SERAC1: variants seen among roughly 807,000 people sequenced by gnomAD.
The protein encoded by SERAC1 is protein SERAC1.
SERAC1 carries 36 observed loss-of-function variants against 85.7 expected under a neutral mutation model. The observed-to-expected ratio is 0.42, with a 90% confidence interval of 0.32 to 0.55. The LOEUF (loss-of-function observed/expected upper bound fraction) is 0.55. SERAC1 is among the 20% of genes least tolerant of loss of function. The pLI, the probability that SERAC1 is intolerant of heterozygous loss-of-function variation, is 0.11. For missense variants in SERAC1, 629 were observed against 796.2 expected (o/e 0.79, Z 2.53); for synonymous variants, 242 against 265.3 (o/e 0.91, Z 0.85).
chr6:158,165,346 G>A (rs1308621557), intron 1 of SERAC1, among the ~76,000 whole-genome samples: 8 of 152,016 alleles, frequency 5.3e-5, no homozygotes, highest in Non-Finnish European at 1.0e-4. Flanking sequence ...TAGTACAGAC[G>A]GGGTTTCACC....
rs187738141 is a variant in SERAC1, at chr6:158,163,765, C to T, written c.-2+4375G>A. 2.5e-3 allele frequency among the ~76,000 whole-genome samples: 374 copies of T among 151,954 alleles called. 1 individual carries two copies. Among genetic ancestry groups the T allele is most frequent in the African/African-American group, 8.1e-3 (336 of 41,418 alleles). ...TTGTTTTCTTTTTGACAGAGTCTCA[C>T]TCTGTCGCCCAGGCAGGATGGAGTG... On this transcript the variant is annotated intron_variant, in intron 1 of 16. Coordinates refer to ENST00000647468, the MANE Select transcript of SERAC1 (RefSeq NM_032861.4).
intron 10 of SERAC1, among the ~76,000 whole-genome samples, chr6:158,123,566 T>C (rs1784468870): frequency 6.6e-6 from 1 of 152,224 alleles, no homozygotes; most frequent in Non-Finnish European, 1.5e-5. Context: ...TTAAGGTAGC[T>C]GATTGGAGAA....
chr6:158,159,544 T>C (rs1744141699), intron 1 of SERAC1, among the ~76,000 whole-genome samples: 1 of 151,314 alleles, frequency 6.6e-6, no homozygotes, highest in Non-Finnish European at 1.5e-5. Context: ...CCCTCTAAAA[T>C]TCCACTGTAA....
Position 158,128,266 on chromosome 6 carries a change from G to A in SERAC1, c.857C>T (p.Ser286Phe). The A allele has an allele frequency of 6.2e-7, 1 of 1,613,198 alleles. No individual in the cohort carries two copies. Among genetic ancestry groups the A allele is most frequent in the Non-Finnish European group, 8.5e-7 (1 of 1,179,694 alleles). ...LEAIVKHSEISTHCDKIEANG... is the reference protein window; with the variant it reads ...LEAIVKHSEIFTHCDKIEANG... ...TGCTTCGATTTTATCACAATGTGTG[G>A]ATATCTGGCACAATAAATAAACAGA... Residue 286 changes from serine (S) to phenylalanine (F), a missense_variant, in exon 10 of 17, where the codon TCC (serine) becomes TTC (phenylalanine). By Grantham distance (155) the Ser-to-Phe change is radical. Transcript: ENST00000647468.
At chr6:158,149,096 T>A in intron 4 of SERAC1, 142 bp from the exon 5 acceptor site, 1 of 572,882 alleles carries the variant, frequency 1.7e-6, no homozygotes, top group South Asian at 2.3e-5. Flanking sequence ...TTCACCCCAT[T>A]CTCCTGCTTC....
intron 3 of SERAC1, among the ~76,000 whole-genome samples, chr6:158,154,269 C>T (rs1049790897): frequency 3.3e-5 from 5 of 149,860 alleles, no homozygotes; most frequent in Admixed American, 6.7e-5. Context: ...CCATGAAAGA[C>T]AAAATTCTTT....
chr6:158,113,335 C>T, intron 16 of SERAC1, 114 bp downstream of exon 16: 3 of 814,132 alleles, frequency 3.7e-6, no homozygotes, highest in East Asian at 2.6e-5. Flanking sequence ...AAATCTAGAC[C>T]TTCATAAACT....
At chr6:158,156,878 AGATATT>A (rs1288511037) in intron 2 of SERAC1, among the ~76,000 whole-genome samples, 1 of 102,116 alleles carries the variant, frequency 9.8e-6, no homozygotes, top group African/African-American at 3.4e-5. Context: ...ATATTTATAT[AGATATT>A]AATATATTTA....
intron 10 of SERAC1, among the ~76,000 whole-genome samples, chr6:158,124,353 C>T (rs957877070): frequency 5.3e-5 from 8 of 151,708 alleles, no homozygotes; most frequent in Non-Finnish European, 1.2e-4. Flanking sequence ...AACAGAAGTT[C>T]CAGAAAAAGA....
intron 15 of SERAC1, 83 bp from the exon 16 acceptor site, chr6:158,113,675 G>A: frequency 8.0e-7 from 1 of 1,246,710 alleles, no homozygotes; most frequent in East Asian, 2.4e-5. Flanking sequence ...AATTTAGAGA[G>A]GAAATTAGAA....
chr6:158,118,636 AG>A (rs1180285333), intron 12 of SERAC1, among the ~76,000 whole-genome samples: 3 of 150,622 alleles, frequency 2.0e-5, no homozygotes, highest in African/African-American at 4.9e-5. Context: ...AAAAAAAAAA[AG>A]AAGGAAAGAA....
chr6:158,116,147 T>G (rs1186727525), intron 14 of SERAC1, 38 bp downstream of exon 14: 2 of 1,543,450 alleles, frequency 1.3e-6, no homozygotes, highest in African/African-American at 2.7e-5. Context: ...GAAAATAACA[T>G]CACAATGGCC....
chr6:158,143,280 T>A (rs1009579964), intron 7 of SERAC1, 96 bp from the exon 8 acceptor site: 3 of 1,441,946 alleles, frequency 2.1e-6, no homozygotes, highest in Non-Finnish European at 2.8e-6. Flanking sequence ...GCCATATATA[T>A]CAAAGCCATA....
chr6:158,126,523 G>A (rs1320147245), intron 10 of SERAC1, among the ~76,000 whole-genome samples: 1 of 152,120 alleles, frequency 6.6e-6, no homozygotes, highest in Non-Finnish European at 1.5e-5. Context: ...AAGGACTCTT[G>A]CTTCCAGTAG....
Position 158,126,856 on chromosome 6 carries a change from A to G in SERAC1, c.1015+1252T>C, listed in dbSNP as rs142900575. ...ACTTGAGTCCAGGAGTTCGAGACCAACCTAGGCAACAAAGTAGGACCCCCG... is the reference window on the plus strand; with the variant it reads ...ACTTGAGTCCAGGAGTTCGAGACCAGCCTAGGCAACAAAGTAGGACCCCCG... On this transcript the variant is annotated intron_variant, in intron 10 of 16. Transcript: ENST00000647468. Among the ~76,000 whole-genome samples the G allele has an allele frequency of 3.9e-3, 593 of 152,212 alleles. 6 individuals are homozygous for G. The highest frequency in any genetic ancestry group is 0.014 in the African/African-American group (567 of 41,522).
rs549777228 is a variant in SERAC1, at chr6:158,124,201, A to G, written c.1016-3626T>C. Reference sequence around the variant, plus strand: ...TGATCAGGTCTTTGTCCTGCTTTGAATCCCTTAGTCTCCACCTCATCAATG... The same window carrying G: ...TGATCAGGTCTTTGTCCTGCTTTGAGTCCCTTAGTCTCCACCTCATCAATG... On this transcript the variant is annotated intron_variant, in intron 10 of 16. Coordinates refer to ENST00000647468, the MANE Select transcript of SERAC1 (RefSeq NM_032861.4). Among the ~76,000 whole-genome samples the G allele has an allele frequency of 3.3e-5, 5 of 152,248 alleles. No homozygotes were observed. The East Asian group carries it at 9.7e-4, about 29-fold the overall frequency.
intron 8 of SERAC1, among the ~76,000 whole-genome samples, chr6:158,133,596 A>G (rs1784729575): frequency 6.6e-6 from 1 of 152,088 alleles, no homozygotes; most frequent in African/African-American, 2.4e-5. Context: ...CATGTTAGAC[A>G]GGATGGTCTC....
At position 158,143,337 on chromosome 6, in the gene SERAC1, CTCTCTCTCTCTATATA is replaced by C. The variant is rs1212490643; in HGVS notation, c.610-169_610-154del. On this transcript the variant is annotated intron_variant, in intron 7 of 16. Transcript: ENST00000647468. The stretch of plus-strand genomic sequence containing the variant: ...TCTCTCTCTCTCTCTCTCTCTCTCT[CTCTCTCTCTCTATATA>C]TATATATATATATATATATATACAC... 9.5e-3 allele frequency among the ~76,000 whole-genome samples: 292 copies of C among 30,600 alleles called. 1 individual carries two copies. The highest frequency in any genetic ancestry group is 0.023 in the East Asian group (30 of 1,282). 20.1% of individuals were successfully genotyped at this position (30,600 alleles called of 152,430 possible).
chr6:158,158,142 A>G, intron 2 of SERAC1, 131 bp downstream of exon 2: 1 of 591,524 alleles, frequency 1.7e-6, no homozygotes, highest in Non-Finnish European at 3.0e-6. Flanking sequence ...GTGAACTATT[A>G]GTACAGAAAG....
Sources: allele counts gnomAD v4.1 joint callset (sites outside exome capture counted in the v4.1 genomes callset), GRCh38; gene constraint gnomAD v4.1.1; transcripts MANE v1.5; gene names NCBI Gene and HGNC (gene_info 2026-07-23, HGNC 2026-07-21).